Variants in MRTFB observed in about 807,000 individuals in gnomAD.
MRTFB encodes the protein myocardin-related transcription factor B.
Under a neutral mutation model 104.2 loss-of-function variants are expected in MRTFB, and 29 were observed. The ratio of observed to expected loss-of-function variants is 0.28; its 90% confidence interval spans 0.21 to 0.38. The LOEUF is 0.38. Ranked by LOEUF, MRTFB falls within the 10% of genes least tolerant of loss-of-function variation. MRTFB has a pLI of 1.00. For missense variants in MRTFB, 1,270 were observed against 1,341.6 expected (o/e 0.95, Z 0.83); for synonymous variants, 535 against 519.5 (o/e 1.03, Z -0.41).
chr16:14,172,672 C>G (rs922403436), intron 3 of MRTFB, among the ~76,000 whole-genome samples: 1 of 152,066 alleles, frequency 6.6e-6, no homozygotes, highest in Non-Finnish European at 1.5e-5. Context: ...CCTCCACAGC[C>G]TGGAGGAATA....
intron 3 of MRTFB, 149 bp from the exon 4 acceptor site, chr16:14,210,094 A>T: frequency 1.9e-6 from 1 of 527,846 alleles, no homozygotes; most frequent in Non-Finnish European, 3.3e-6. Flanking sequence ...TTTTCCTTTT[A>T]CAACTTACGT....
intron 2 of MRTFB, among the ~76,000 whole-genome samples, chr16:14,112,336 A>G (rs1393202191): frequency 6.6e-6 from 1 of 152,156 alleles, no homozygotes; most frequent in African/African-American, 2.4e-5. Context: ...TTCCTGGTTT[A>G]GGGAATGATC....
intron 8 of MRTFB, among the ~76,000 whole-genome samples, chr16:14,232,812 A>AAT (rs570454325): frequency 1.1e-4 from 17 of 152,348 alleles, no homozygotes; most frequent in Non-Finnish European, 2.4e-4. Flanking sequence ...TCATGCTGCT[A>AAT]ATAGCCCTCC....
chr16:14,127,425 G>T (rs1334797754), intron 2 of MRTFB, among the ~76,000 whole-genome samples: 1 of 151,952 alleles, frequency 6.6e-6, no homozygotes, highest in African/African-American at 2.4e-5. Context: ...GGTGGATCAC[G>T]AGGTCAGGAG....
intron 3 of MRTFB, chr16:14,148,803 C>T (rs1002295276): frequency 1.3e-5 from 2 of 152,740 alleles, no homozygotes; most frequent in African/African-American, 4.8e-5. Flanking sequence ...GCCCATGTGT[C>T]TCCCTGGCGG....
At chr16:14,120,580 T>C (rs564158720) in intron 2 of MRTFB, among the ~76,000 whole-genome samples, 10 of 152,366 alleles carry the variant, frequency 6.6e-5, no homozygotes, top group Middle Eastern at 3.4e-3. Flanking sequence ...TGCCACCTTA[T>C]CACGTATTCA....
chr16:14,077,433 T>C (rs1229583007), intron 1 of MRTFB, among the ~76,000 whole-genome samples: 1 of 152,184 alleles, frequency 6.6e-6, no homozygotes, highest in Non-Finnish European at 1.5e-5. Flanking sequence ...TTCTATGACA[T>C]TAGTCTTTCT....
intron 2 of MRTFB, among the ~76,000 whole-genome samples, chr16:14,130,473 T>C (rs1161695066): frequency 6.6e-6 from 1 of 152,222 alleles, no homozygotes; most frequent in Non-Finnish European, 1.5e-5. Context: ...GCATTTGTAA[T>C]TTTAATAGAT....
intron 2 of MRTFB, among the ~76,000 whole-genome samples, chr16:14,109,271 G>A (rs1006417021): frequency 2.7e-4 from 41 of 152,002 alleles, no homozygotes; most frequent in South Asian, 8.3e-4. Flanking sequence ...TAGTTTACAC[G>A]CATAAAAATA....
chr16:14,009,055 C>T, the MRTFB span, among the ~76,000 whole-genome samples: 2 of 152,010 alleles, frequency 1.3e-5, no homozygotes, highest in Admixed American at 6.6e-5. Flanking sequence ...TTCAAGTGAT[C>T]CTCCCACCTC....
intron 2 of MRTFB, among the ~76,000 whole-genome samples, chr16:14,095,034 C>T (rs1012068674): frequency 7.9e-5 from 12 of 152,064 alleles, no homozygotes; most frequent in African/African-American, 2.2e-4. Flanking sequence ...TAGGGCACCC[C>T]GTAGGTCTAA....
chr16:13,997,920 T>A, the MRTFB span, among the ~76,000 whole-genome samples: 6 of 152,052 alleles, frequency 3.9e-5, no homozygotes, highest in African/African-American at 1.5e-4. Flanking sequence ...TCATGGAGCT[T>A]ACCGTCTAGA....
chr16:14,091,533 G>A (rs1596778327), intron 2 of MRTFB, among the ~76,000 whole-genome samples: 1 of 152,060 alleles, frequency 6.6e-6, no homozygotes, highest in African/African-American at 2.4e-5. Context: ...TGTGCTCCCC[G>A]GCCAGGCACT....
intron 10 of MRTFB, among the ~76,000 whole-genome samples, chr16:14,243,643 G>T (rs143475235): frequency 3.9e-5 from 6 of 152,180 alleles, no homozygotes; most frequent in African/African-American, 1.4e-4. Context: ...AATTTGACAA[G>T]TGATGCACCA....
chr16:14,235,122 A>T (rs569422294), intron 9 of MRTFB, among the ~76,000 whole-genome samples: 1 of 152,178 alleles, frequency 6.6e-6, no homozygotes, highest in Non-Finnish European at 1.5e-5. Context: ...TGCCTCCCCA[A>T]CCTGTTGCAG....
At chr16:14,119,566 AG>A (rs2142268758) in intron 2 of MRTFB, among the ~76,000 whole-genome samples, 1 of 152,354 alleles carries the variant, frequency 6.6e-6, no homozygotes, top group African/African-American at 2.4e-5. Context: ...ACTAGGAAAT[AG>A]TAGACCAGTG....
the MRTFB span, among the ~76,000 whole-genome samples, chr16:14,017,277 C>G: frequency 6.6e-6 from 1 of 151,702 alleles, no homozygotes; most frequent in Non-Finnish European, 1.5e-5. Flanking sequence ...AGGATGGTCT[C>G]GATCTCCTGA....
intron 2 of MRTFB, among the ~76,000 whole-genome samples, chr16:14,079,898 A>C (rs1036825030): frequency 1.1e-4 from 16 of 152,152 alleles, no homozygotes; most frequent in African/African-American, 3.9e-4. Context: ...ATGGATATAG[A>C]AGAATTTATA....
intron 2 of MRTFB, among the ~76,000 whole-genome samples, chr16:14,114,551 G>A (rs2036437617): frequency 6.6e-6 from 1 of 152,122 alleles, no homozygotes; most frequent in African/African-American, 2.4e-5. Flanking sequence ...TGCACTTGAG[G>A]CTGCGTTCCA....
Sources: allele counts gnomAD v4.1 joint callset (sites outside exome capture counted in the v4.1 genomes callset), GRCh38; gene constraint gnomAD v4.1.1; transcripts MANE v1.5; gene names NCBI Gene and HGNC (gene_info 2026-07-23, HGNC 2026-07-21).